Variants in JKAMP observed in about 807,000 individuals in gnomAD.
The protein encoded by JKAMP is JNK1/MAPK8 associated membrane protein.
In JKAMP, 20 loss-of-function variants were observed where a neutral mutation model predicts 40.2. The ratio of observed to expected loss-of-function variants is 0.50; its 90% confidence interval spans 0.35 to 0.72. The LOEUF (loss-of-function observed/expected upper bound fraction) is 0.72. Among genes scored for constraint, JKAMP ranks in the 30% least tolerant of loss-of-function variants. The probability of loss-of-function intolerance (pLI) is 0.01; values close to 1 mark genes in which losing one functional copy is unlikely to be tolerated. For missense variants in JKAMP, 276 were observed against 373.0 expected (o/e 0.74, Z 2.14); for synonymous variants, 138 against 131.6 (o/e 1.05, Z -0.33).
Position 59,484,605 on chromosome 14 carries a change from C to T in JKAMP, c.4+12C>T, listed in dbSNP as rs1321579469. The T allele has an allele frequency of 1.3e-6, 2 of 1,579,112 alleles. No individual in the cohort carries two copies. The highest frequency in any genetic ancestry group is 2.3e-5 in the East Asian group (1 of 42,832). ...CAGGCGGCCCATGGGTGAGTGGTCG[C>T]CAAGATCCCGGGAAGCGTTTCTGGT... On this transcript the variant is annotated intron_variant, in intron 1 of 6. Coordinates refer to ENST00000616435, the MANE Select transcript of JKAMP (RefSeq NM_016475.5).
intron 6 of JKAMP, among the ~76,000 whole-genome samples, chr14:59,502,200 T>A (rs1377892955): frequency 6.6e-6 from 1 of 152,234 alleles, no homozygotes; most frequent in Non-Finnish European, 1.5e-5. Context: ...GTAACTGTTA[T>A]ACATATTACA....
chr14:59,496,960 C>T (rs1483039628), intron 4 of JKAMP, among the ~76,000 whole-genome samples: 1 of 151,008 alleles, frequency 6.6e-6, no homozygotes, highest in Non-Finnish European at 1.5e-5. Flanking sequence ...GGGCTAAGCA[C>T]TTCCGAAGGT....
intron 3 of JKAMP, among the ~76,000 whole-genome samples, chr14:59,492,481 G>A (rs769595399): frequency 3.0e-4 from 46 of 152,162 alleles, no homozygotes; most frequent in Non-Finnish European, 6.0e-4. Flanking sequence ...CTGGGGTCCT[G>A]CAAGTGACAT....
chr14:59,485,131 GTTTA>G lies in JKAMP; in HGVS notation c.4+542_4+545del, dbSNP rs1381373479. The stretch of plus-strand genomic sequence containing the variant: ...GGTTTTGCTTAGTAAGTGATAGGCT[GTTTA>G]TTTCAGTTCAGTTTATCATACTGGT... On this transcript the variant is annotated intron_variant, in intron 1 of 6. Coordinates refer to ENST00000616435, the MANE Select transcript of JKAMP (RefSeq NM_016475.5). 1.9e-6 allele frequency: 3 copies of G among 1,597,576 alleles called. No individual in the cohort carries two copies. In the African/African-American group the frequency reaches 4.0e-5, roughly 21 times the overall value.
rs1373274040 is a variant in JKAMP, at chr14:59,484,537, A to G, written c.-53A>G. 1.9e-6 allele frequency: 3 copies of G among 1,560,346 alleles called. No homozygotes were observed. The highest frequency in any genetic ancestry group is 1.2e-5 in the South Asian group (1 of 84,826). On this transcript the variant is annotated 5_prime_UTR_variant, in exon 1 of 7. Coordinates refer to ENST00000616435, the MANE Select transcript of JKAMP (RefSeq NM_016475.5). Reference sequence around the variant, plus strand: ...TCGCTGTGGCCCGGATGTTCGGTGCAGCTGCCAGATCCGCTGATCTAGTGC... The same window carrying G: ...TCGCTGTGGCCCGGATGTTCGGTGCGGCTGCCAGATCCGCTGATCTAGTGC...
chr14:59,492,155 G>A (rs1891066075), intron 3 of JKAMP, among the ~76,000 whole-genome samples: 1 of 152,034 alleles, frequency 6.6e-6, no homozygotes, highest in Non-Finnish European at 1.5e-5. Flanking sequence ...TAAGGATGTA[G>A]TCACAAGCTG....
intron 2 of JKAMP, 82 bp from the exon 3 acceptor site, chr14:59,487,592 G>A: frequency 1.0e-6 from 1 of 988,118 alleles, no homozygotes; most frequent in Non-Finnish European, 1.6e-6. Flanking sequence ...ACTGAAATGG[G>A]ATGTCTTATA....
intron 5 of JKAMP, chr14:59,500,960 A>T: frequency 2.3e-6 from 1 of 438,892 alleles, no homozygotes. Context: ...TCCCACTACA[A>T]CTGCAGAGCT....
intron 2 of JKAMP, 32 bp downstream of exon 2, chr14:59,486,836 T>G: frequency 7.6e-7 from 1 of 1,322,942 alleles, no homozygotes; most frequent in Non-Finnish European, 1.1e-6. Context: ...TATTTCATTT[T>G]GTAAAATCTA....
chr14:59,495,277 T>A, intron 4 of JKAMP, 53 bp downstream of exon 4: 1 of 1,359,966 alleles, frequency 7.4e-7, no homozygotes, highest in Non-Finnish European at 1.0e-6. Context: ...TCTCTGAGGA[T>A]TATTATAGAT....
intron 3 of JKAMP, among the ~76,000 whole-genome samples, chr14:59,488,943 C>CT (rs1472860251): frequency 2.6e-5 from 4 of 152,246 alleles, no homozygotes; most frequent in Admixed American, 2.6e-4. Flanking sequence ...AGACAGCCTA[C>CT]TTTCTATTCT....
At chr14:59,485,155 A>C (rs2139847918) in intron 1 of JKAMP, 2 of 1,592,632 alleles carry the variant, frequency 1.3e-6, no homozygotes, top group East Asian at 4.5e-5. Context: ...AGTTTATCAT[A>C]CTGGTTTTCA....
Position 59,504,174 on chromosome 14 carries a change from A to C in JKAMP, c.*102A>C. ...AACTATTCTATCATATATGGGAACA[A>C]GATTGTCAGTATATCTTAATGTTTG... On this transcript the variant is annotated 3_prime_UTR_variant, in exon 7 of 7. Transcript: ENST00000616435. 1 of 693,400 alleles carries C rather than the reference A, an allele frequency of 1.4e-6. No homozygotes were observed. The highest frequency in any genetic ancestry group is 2.5e-6 in the Non-Finnish European group (1 of 407,122). 43.0% of individuals were successfully genotyped at this position (693,400 alleles called of 1,614,324 possible).
At chr14:59,488,430 A>G (rs1890746990) in intron 3 of JKAMP, among the ~76,000 whole-genome samples, 1 of 152,176 alleles carries the variant, frequency 6.6e-6, no homozygotes, top group Admixed American at 6.5e-5. Flanking sequence ...GAACAGAGAG[A>G]TAAATTATGC....
At chr14:59,494,360 C>A (rs1891269941) in intron 3 of JKAMP, among the ~76,000 whole-genome samples, 1 of 152,116 alleles carries the variant, frequency 6.6e-6, no homozygotes, top group South Asian at 2.1e-4. Context: ...ACAGTGGAAT[C>A]CTAACACAAT....
Position 59,505,187 on chromosome 14 carries a change from A to G in JKAMP, c.*1115A>G. 1.0e-6 allele frequency: 1 copy of G among 963,544 alleles called. No homozygotes were observed. The highest frequency in any genetic ancestry group is 2.7e-5 in the East Asian group (1 of 37,140). The allele number at this position is 963,544 out of a possible 1,614,324, so 59.7% of individuals were successfully genotyped here. A position where few individuals can be genotyped will look rare whatever the true frequency, so the allele number is the denominator to read the frequency against. ...GCAAAATATGAAAGTAAGTGCACTC[A>G]CTTTTCCTGTAGTAGTCTGTCTTTT... On this transcript the variant is annotated 3_prime_UTR_variant, in exon 7 of 7. Coordinates refer to ENST00000616435, the MANE Select transcript of JKAMP (RefSeq NM_016475.5).
At chr14:59,493,910 T>A (rs1035632162) in intron 3 of JKAMP, among the ~76,000 whole-genome samples, 5 of 152,172 alleles carry the variant, frequency 3.3e-5, no homozygotes, top group African/African-American at 1.2e-4. Context: ...TATGAAACTT[T>A]ATATGAAAGA....
rs1233914654 is a variant in JKAMP at position 59,484,584 on chromosome 14, C to T, written c.-6C>T. The T allele has an allele frequency of 6.3e-7, 1 of 1,576,730 alleles. No homozygotes were observed. ...GTGCTTCTCGAAAAAAACCTTCAGG[C>T]GGCCCATGGGTGAGTGGTCGCCAAG... On this transcript the variant is annotated 5_prime_UTR_variant, in exon 1 of 7. Coordinates refer to ENST00000616435, the MANE Select transcript of JKAMP (RefSeq NM_016475.5).
Position 59,502,760 on chromosome 14 carries a change from T to TGTTTTGTTTTG in JKAMP, c.718-1094_718-1093insGTTTTGTTTTG, listed in dbSNP as rs760996086. 4.2e-4 allele frequency among the ~76,000 whole-genome samples: 55 copies of TGTTTTGTTTTG among 130,148 alleles called. 1 individual carries two copies. In the East Asian group the frequency reaches 5.3e-3, roughly 13 times the overall value. 85.4% of individuals were successfully genotyped at this position (130,148 alleles called of 152,430 possible). A position where few individuals can be genotyped will look rare whatever the true frequency, so the allele number is the denominator to read the frequency against. On this transcript the variant is annotated intron_variant, in intron 6 of 6. Coordinates refer to ENST00000616435, the MANE Select transcript of JKAMP (RefSeq NM_016475.5). ...TTTGAATAAAATGAGATTTTTTTTT[T>TGTTTTGTTTTG]TTTTTTTTTTTTTCGGAGTCTCACT...
Sources: gnomAD v4.1 joint callset for allele counts (sites outside exome capture counted in the v4.1 genomes callset) on GRCh38, gnomAD v4.1.1 for gene constraint, MANE v1.5 for transcripts, NCBI Gene and HGNC (gene_info 2026-07-23, HGNC 2026-07-21) for gene names.